The following SPP2 variants were observed in gnomAD, a reference collection of about 807,000 sequenced individuals.
SPP2 encodes the protein secreted phosphoprotein 24.
A neutral mutation model predicts 28.8 loss-of-function variants in SPP2; 34 were observed. The observed-to-expected ratio is 1.18, with a 90% CI of 0.90 to 1.57. The LOEUF (loss-of-function observed/expected upper bound fraction) is 1.57, where lower values mean the gene tolerates loss of function less well. SPP2 is among the 40% of genes most tolerant of loss of function. The pLI is 0.00. For synonymous variants in SPP2, 96 were observed against 89.4 expected (o/e 1.07, Z -0.42); for missense variants, 269 against 263.9 (o/e 1.02, Z -0.13).
chr2:234,073,278 A>G (rs549669417), intron 7 of SPP2, among the ~76,000 whole-genome samples: 16 of 152,376 alleles, frequency 1.1e-4, no homozygotes, highest in African/African-American at 3.6e-4. Flanking sequence ...TCTATACAAA[A>G]TTATTAAAAA....
intron 2 of SPP2, among the ~76,000 whole-genome samples, chr2:234,055,696 TA>T (rs146836282): frequency 0.076 from 11,514 of 152,266 alleles, 820 homozygotes; most frequent in African/African-American, 0.19. Context: ...ACACTCACTA[TA>T]AACCCATGAG....
intron 6 of SPP2, among the ~76,000 whole-genome samples, chr2:234,067,929 A>G (rs951395689): frequency 6.6e-6 from 1 of 151,298 alleles, no homozygotes; most frequent in African/African-American, 2.4e-5. Context: ...TTGTTTTTTT[A>G]AACTAAAAAA....
intron 2 of SPP2, among the ~76,000 whole-genome samples, chr2:234,051,971 A>G (rs1200817153): frequency 2.0e-5 from 3 of 152,232 alleles, no homozygotes; most frequent in Non-Finnish European, 4.4e-5. Context: ...TACTCTGTAG[A>G]GCACATGGCT....
intron 2 of SPP2, among the ~76,000 whole-genome samples, chr2:234,054,074 G>A (rs1693557203): frequency 6.6e-6 from 1 of 152,232 alleles, no homozygotes; most frequent in Non-Finnish European, 1.5e-5. Flanking sequence ...GGGCAACAGT[G>A]TCCTCTGATG....
At chr2:234,072,192 G>T (rs1184869334) in intron 7 of SPP2, among the ~76,000 whole-genome samples, 1 of 152,178 alleles carries the variant, frequency 6.6e-6, no homozygotes, top group Non-Finnish European at 1.5e-5. Flanking sequence ...AAATTTGAAA[G>T]AAATCAACTG....
chr2:234,065,504 T>G (rs1196824657), intron 4 of SPP2, among the ~76,000 whole-genome samples: 3 of 152,224 alleles, frequency 2.0e-5, no homozygotes, highest in Admixed American at 6.5e-5. Flanking sequence ...GGTCTCCAAC[T>G]CCTGGCCTCA....
At chr2:234,061,729 C>T (rs187430428) in intron 4 of SPP2, among the ~76,000 whole-genome samples, 11 of 152,280 alleles carry the variant, frequency 7.2e-5, no homozygotes, top group Non-Finnish European at 5.9e-5. Flanking sequence ...TGAGACACTC[C>T]TATTGCAGAG....
chr2:234,060,646 C>T (rs1050004922), intron 4 of SPP2, among the ~76,000 whole-genome samples, 167 bp downstream of exon 4: 3 of 152,000 alleles, frequency 2.0e-5, no homozygotes, highest in Non-Finnish European at 4.4e-5. Flanking sequence ...GCCTCATTGT[C>T]CACATCCCCT....
At chr2:234,070,765 G>T (rs561826724) in intron 7 of SPP2, among the ~76,000 whole-genome samples, 1 of 152,064 alleles carries the variant, frequency 6.6e-6, no homozygotes, top group Non-Finnish European at 1.5e-5. Flanking sequence ...CCTGGCCGAC[G>T]TATGCTTTAA....
At chr2:234,062,988 A>G (rs971930198) in intron 4 of SPP2, among the ~76,000 whole-genome samples, 2 of 152,228 alleles carry the variant, frequency 1.3e-5, no homozygotes, top group African/African-American at 2.4e-5. Flanking sequence ...TTAGGTGATC[A>G]TAAACATTTT....
At chr2:234,057,575 G>A (rs1020809715) in intron 2 of SPP2, among the ~76,000 whole-genome samples, 3 of 152,094 alleles carry the variant, frequency 2.0e-5, no homozygotes, top group African/African-American at 7.2e-5. Flanking sequence ...TCTTTGATGT[G>A]TCCACTGTGT....
chr2:234,072,231 AC>A (rs1328305667), intron 7 of SPP2, among the ~76,000 whole-genome samples: 11 of 152,312 alleles, frequency 7.2e-5, no homozygotes, highest in Admixed American at 2.6e-4. Context: ...AGGGAAATTC[AC>A]CATTGAGGCC....
chr2:234,072,634 C>T (rs181838784), intron 7 of SPP2, among the ~76,000 whole-genome samples: 36 of 152,320 alleles, frequency 2.4e-4, no homozygotes, highest in Non-Finnish European at 4.9e-4. Context: ...AGTTATGTCT[C>T]TGCCCTCCCA....
At chr2:234,071,110 C>G (rs1690770163) in intron 7 of SPP2, among the ~76,000 whole-genome samples, 1 of 152,178 alleles carries the variant, frequency 6.6e-6, no homozygotes, top group Admixed American at 6.5e-5. Flanking sequence ...CTTCTTGGAA[C>G]ATACATTGGG....
rs1327362573 is a variant in SPP2, at chr2:234,056,289, A to ATT, written c.211-2545_211-2544dup. On this transcript the variant is annotated intron_variant, in intron 2 of 7. Coordinates refer to ENST00000168148, the MANE Select transcript of SPP2 (RefSeq NM_006944.3). ...GAACAGACACTTCTCAAAAGAAGAC[A>ATT]TTTATGAAGCCAAAAGACACATGAA... The ATT allele has an allele frequency of 5.9e-5, 9 of 152,354 alleles. No homozygotes were observed. In the East Asian group the frequency reaches 1.5e-3, roughly 26 times the overall value. The allele number at this position is 152,354 out of a possible 1,614,324, so 9.4% of individuals were successfully genotyped here. A position where few individuals can be genotyped will look rare whatever the true frequency, so the allele number is the denominator to read the frequency against.
chr2:234,051,178 A>C, intron 2 of SPP2, 83 bp downstream of exon 2: 3 of 1,530,258 alleles, frequency 2.0e-6, no homozygotes, highest in South Asian at 1.2e-5. Context: ...CTTTTAAGAA[A>C]TTTTCTCCAG....
chr2:234,069,792 C>T (rs1379142646), intron 6 of SPP2, 136 bp from the exon 7 acceptor site: 7 of 646,644 alleles, frequency 1.1e-5, no homozygotes, highest in Non-Finnish European at 2.0e-5. Context: ...TTATCGCACC[C>T]TCAGGTATTC....
At chr2:234,059,074 C>A in intron 3 of SPP2, 116 bp downstream of exon 3, 2 of 1,256,760 alleles carry the variant, frequency 1.6e-6, no homozygotes, top group Admixed American at 2.6e-5. Context: ...GGCCACACTG[C>A]TAACATGTGG....
In SPP2 at chr2:234,050,902, C is replaced by G. The variant is rs564051424; in HGVS notation, c.85+31C>G. 1.5e-5 allele frequency: 25 copies of G among 1,614,044 alleles called. No homozygotes were observed. The East Asian group carries it at 2.7e-4, about 17-fold the overall frequency. Reference sequence around the variant, plus strand: ...GTATTCACCAACCTGGCCACCTGCTCTGGATCATGCAGAGCCATGCTGGCG... The same window carrying G: ...GTATTCACCAACCTGGCCACCTGCTGTGGATCATGCAGAGCCATGCTGGCG... On this transcript the variant is annotated intron_variant, in intron 1 of 7. Transcript: ENST00000168148.
Sources: allele counts gnomAD v4.1 joint callset (sites outside exome capture counted in the v4.1 genomes callset), GRCh38; gene constraint gnomAD v4.1.1; transcripts MANE v1.5; gene names NCBI Gene and HGNC (gene_info 2026-07-23, HGNC 2026-07-21).